The following XPNPEP2 variants were observed in gnomAD, a reference collection of about 807,000 sequenced individuals.
XPNPEP2 encodes xaa-Pro aminopeptidase 2.
A neutral mutation model predicts 59.8 loss-of-function variants in XPNPEP2; 64 were observed. That is an observed-to-expected ratio of 1.07 (90% CI 0.87 to 1.32). The LOEUF (loss-of-function observed/expected upper bound fraction) is 1.32. XPNPEP2 is among the 40% of genes most tolerant of loss of function. The probability of loss-of-function intolerance (pLI) is 0.00; values close to 1 mark genes in which losing one functional copy is unlikely to be tolerated. For missense variants in XPNPEP2, 575 were observed against 546.8 expected (o/e 1.05, Z -0.51); for synonymous variants, 235 against 210.0 (o/e 1.12, Z -1.03).
At chrX:129,746,467 A>G in intron 5 of XPNPEP2, 127 bp downstream of exon 5, 2 of 935,427 alleles carry the variant, frequency 2.1e-6, no homozygotes, top group Non-Finnish European at 1.5e-6. Context: ...ATTTGAGGCC[A>G]TCACTGACTT....
At chrX:129,762,463 A>G (rs980536536) in intron 18 of XPNPEP2, among the ~76,000 whole-genome samples, 19 of 111,794 alleles carry the variant, frequency 1.7e-4, no homozygotes, top group Admixed American at 3.8e-4. Flanking sequence ...CTGCTGGGCT[A>G]CAGGGAAGAG....
chrX:129,759,372 T>C, intron 15 of XPNPEP2, 132 bp downstream of exon 15: 1 of 804,284 alleles, frequency 1.2e-6, no homozygotes, highest in South Asian at 2.4e-5. Flanking sequence ...GTGACACCAC[T>C]GGTGCCGGAA....
chrX:129,744,891 T>G (rs1926264941), intron 3 of XPNPEP2, among the ~76,000 whole-genome samples: 1 of 112,211 alleles, frequency 8.9e-6, no homozygotes, highest in African/African-American at 3.2e-5. Context: ...GACCCTAGAC[T>G]GCATAGAATT....
intron 15 of XPNPEP2, among the ~76,000 whole-genome samples, chrX:129,759,776 G>A (rs1371317558): frequency 8.9e-6 from 1 of 112,817 alleles, no homozygotes; most frequent in African/African-American, 3.2e-5. Context: ...ATGCTGTCCA[G>A]GTCTCCAGGA....
At chrX:129,765,621 T>A (rs113146143) in intron 19 of XPNPEP2, among the ~76,000 whole-genome samples, 1 of 97,716 alleles carries the variant, frequency 1.0e-5, no homozygotes, top group African/African-American at 4.0e-5. Context: ...ATTTCTTTTT[T>A]TCTTTCTTTC....
chrX:129,755,369 C>T lies in XPNPEP2; in HGVS notation c.1293C>T (p.Tyr431=). Residue 431 remains tyrosine, a splice_region_variant and synonymous_variant, in exon 13 of 21, where the codon TAC becomes TAT. Coordinates refer to ENST00000371106, the MANE Select transcript of XPNPEP2 (RefSeq NM_003399.6). ...GTCTGAATGCTGCCCTGGCCCACTA[C>T]AGGTACTTGAGGAAAAAGAATTTTC... The part of the protein sequence containing the change: ...ASGLNAALAH[Y]SPTKELNRKL... The T allele has an allele frequency of 8.3e-7, 1 of 1,210,649 alleles. No homozygotes were observed. The highest frequency in any genetic ancestry group is 1.1e-6 in the Non-Finnish European group (1 of 894,584).
intron 2 of XPNPEP2, 101 bp downstream of exon 2, chrX:129,742,282 A>G: frequency 7.4e-6 from 3 of 406,310 alleles, no homozygotes; most frequent in Middle Eastern, 1.5e-3. Context: ...GCCCTGCTCT[A>G]TCATCTTCTC....
chrX:129,749,955 C>T (rs1009363082), intron 7 of XPNPEP2, among the ~76,000 whole-genome samples: 18 of 112,662 alleles, frequency 1.6e-4, no homozygotes, highest in African/African-American at 5.5e-4. Context: ...GTGCTTAGCC[C>T]AGTACCCGTG....
At chrX:129,757,893 GAGAAAGAAAGAA>G (rs558575574) in intron 14 of XPNPEP2, among the ~76,000 whole-genome samples, 9,669 of 51,485 alleles carry the variant, frequency 0.19, 869 homozygotes, top group Middle Eastern at 0.29. Context: ...GAGAGAGAGA[GAGAAAGAAAGAA>G]AGAAAGAAAG....
At chrX:129,751,854 T>C (rs1192531677) in intron 9 of XPNPEP2, 28 bp downstream of exon 9, 2 of 1,178,691 alleles carry the variant, frequency 1.7e-6, no homozygotes, top group East Asian at 3.0e-5. Context: ...CTTGCTGTTG[T>C]GGACTTTCTC....
chrX:129,757,167 A>G (rs1219620043), intron 14 of XPNPEP2, among the ~76,000 whole-genome samples: 1 of 106,438 alleles, frequency 9.4e-6, no homozygotes, highest in African/African-American at 3.4e-5. Context: ...TCCTGACCTC[A>G]GGTGATCCAC....
intron 7 of XPNPEP2, among the ~76,000 whole-genome samples, chrX:129,748,139 C>T (rs1926334796): frequency 8.9e-6 from 1 of 111,922 alleles, no homozygotes; most frequent in Admixed American, 9.4e-5. Flanking sequence ...ATGAATCATT[C>T]AGACCTTTAC....
chrX:129,767,942 C>T (rs1238392991), intron 20 of XPNPEP2, among the ~76,000 whole-genome samples: 2 of 111,653 alleles, frequency 1.8e-5, no homozygotes, highest in African/African-American at 6.5e-5. Context: ...CCTCTGAGCT[C>T]GGCCACTACA....
At chrX:129,762,320 C>T (rs988705402) in intron 18 of XPNPEP2, among the ~76,000 whole-genome samples, 2 of 111,739 alleles carry the variant, frequency 1.8e-5, no homozygotes, top group Non-Finnish European at 3.8e-5. Flanking sequence ...AGATCAGGTG[C>T]GTTCAGGGTG....
intron 15 of XPNPEP2, 149 bp from the exon 16 acceptor site, chrX:129,760,363 G>A (rs1198237702): frequency 5.5e-6 from 3 of 548,521 alleles, no homozygotes; most frequent in Non-Finnish European, 5.8e-6. Flanking sequence ...CCAGAACCCG[G>A]GCAGCCACAC....
intron 1 of XPNPEP2, among the ~76,000 whole-genome samples, chrX:129,741,561 T>TC (rs1459708119): frequency 8.9e-6 from 1 of 111,978 alleles, no homozygotes; most frequent in Non-Finnish European, 1.9e-5. Context: ...AATCCATCTT[T>TC]CCCCACCATG....
At chrX:129,755,451 G>A in intron 13 of XPNPEP2, 80 bp downstream of exon 13, 1 of 981,739 alleles carries the variant, frequency 1.0e-6, no homozygotes, top group South Asian at 2.0e-5. Flanking sequence ...GAGGGGAGGG[G>A]GATGTTCTGG....
Position 129,742,215 on chromosome X carries a change from CT to C in XPNPEP2, c.123+35del, listed in dbSNP as rs770003081. ...CCCCTGCCCCCCGCGCACGGCCCCC[CT>C]GGCCCCACGCACCCCCCCACCCCTG... On this transcript the variant is annotated intron_variant, in intron 2 of 20. Coordinates refer to ENST00000371106, the MANE Select transcript of XPNPEP2 (RefSeq NM_003399.6). 186 of 838,617 alleles carry C rather than the reference CT, an allele frequency of 2.2e-4. No homozygotes were observed. The African/African-American group carries it at 3.5e-3, about 16-fold the overall frequency. 69.1% of individuals were successfully genotyped at this position (838,617 alleles called of 1,213,427 possible).
intron 16 of XPNPEP2, 100 bp downstream of exon 16, chrX:129,760,681 A>G (rs1035039340): frequency 1.1e-6 from 1 of 869,826 alleles, no homozygotes; most frequent in African/African-American, 2.0e-5. Context: ...TTTTGTCATC[A>G]TCCCATCCCT....
Sources: gnomAD v4.1 joint callset for allele counts (sites outside exome capture counted in the v4.1 genomes callset) on GRCh38, gnomAD v4.1.1 for gene constraint, MANE v1.5 for transcripts, NCBI Gene and HGNC (gene_info 2026-07-23, HGNC 2026-07-21) for gene names.